The following GULP1 variants were observed in gnomAD, a reference collection of about 807,000 sequenced individuals.
GULP1 encodes GULP PTB domain containing engulfment adaptor 1.
Under a neutral mutation model 40.9 loss-of-function variants are expected in GULP1, and 19 were observed. The observed-to-expected ratio is 0.46, with a 90% CI of 0.32 to 0.68. The LOEUF (loss-of-function observed/expected upper bound fraction) is 0.68. GULP1 is among the 30% of genes least tolerant of loss of function. The probability of loss-of-function intolerance (pLI) is 0.03; values close to 1 mark genes in which losing one functional copy is unlikely to be tolerated. For missense variants in GULP1, 312 were observed against 362.2 expected (o/e 0.86, Z 1.12); for synonymous variants, 119 against 117.6 (o/e 1.01, Z -0.08).
At chr2:188,533,435 G>T (rs1688083851) in intron 6 of GULP1, among the ~76,000 whole-genome samples, 1 of 152,146 alleles carries the variant, frequency 6.6e-6, no homozygotes, top group Admixed American at 6.5e-5. Context: ...ATATGGAAGA[G>T]ATTGAAACTG....
intron 9 of GULP1, among the ~76,000 whole-genome samples, chr2:188,583,106 T>C (rs1701651842): frequency 6.6e-6 from 1 of 151,528 alleles, no homozygotes; most frequent in South Asian, 2.1e-4. Context: ...TGAGAGGGGA[T>C]ACAGGAATGG....
chr2:188,513,124 A>G (rs1250749085), intron 4 of GULP1, among the ~76,000 whole-genome samples: 1 of 152,156 alleles, frequency 6.6e-6, no homozygotes, highest in East Asian at 1.9e-4. Flanking sequence ...AATTATATCT[A>G]TAGTATCAGA....
At chr2:188,467,373 A>G (rs1330800763) in intron 2 of GULP1, among the ~76,000 whole-genome samples, 3 of 152,140 alleles carry the variant, frequency 2.0e-5, no homozygotes, top group Middle Eastern at 3.2e-3. Flanking sequence ...GAGATTTTTC[A>G]TAATCTTTTT....
At chr2:188,542,139 A>C (rs1228696375) in intron 7 of GULP1, 2 of 152,060 alleles carry the variant, frequency 1.3e-5, no homozygotes, top group Admixed American at 6.6e-5. Flanking sequence ...AAAATAATGA[A>C]AGTTAATGGA....
chr2:188,585,695 A>G (rs1304164685), intron 10 of GULP1, among the ~76,000 whole-genome samples: 1 of 152,188 alleles, frequency 6.6e-6, no homozygotes, highest in African/African-American at 2.4e-5. Flanking sequence ...ACAGAGCAGC[A>G]GGGCCCTGGG....
chr2:188,415,704 A>G (rs1052588667), intron 2 of GULP1, among the ~76,000 whole-genome samples: 1 of 152,174 alleles, frequency 6.6e-6, no homozygotes, highest in Non-Finnish European at 1.5e-5. Flanking sequence ...TTGTAAGTCC[A>G]TCTTTTTCCA....
chr2:188,436,677 G>A (rs935133047), intron 2 of GULP1, among the ~76,000 whole-genome samples: 1 of 151,904 alleles, frequency 6.6e-6, no homozygotes, highest in Non-Finnish European at 1.5e-5. Flanking sequence ...TATATTTTCA[G>A]CTATATTTCA....
intron 1 of GULP1, among the ~76,000 whole-genome samples, chr2:188,383,004 G>A (rs1166200266): frequency 1.3e-5 from 2 of 152,166 alleles, no homozygotes; most frequent in Admixed American, 1.3e-4. Flanking sequence ...TCAAAGTTAT[G>A]ACGGGAAGCA....
At chr2:188,462,277 G>T (rs986411226) in intron 2 of GULP1, among the ~76,000 whole-genome samples, 3 of 151,854 alleles carry the variant, frequency 2.0e-5, no homozygotes, top group Admixed American at 6.6e-5. Context: ...TTCCACTGTG[G>T]TCTGAAGAGA....
rs1166566295 is a variant in GULP1, at chr2:188,487,637, T to TAATAC, written c.90+4147_90+4148insTACAA. Among the ~76,000 whole-genome samples the TAATAC allele has an allele frequency of 4.6e-5, 7 of 151,804 alleles. No homozygotes were observed. In the South Asian group the frequency reaches 1.0e-3, roughly 23 times the overall value. ...CATCTTAAAATCAAATATAGAAATA[T>TAATAC]AACGCATTCCTTGCAAACCCTTTCA... On this transcript the variant is annotated intron_variant, in intron 4 of 11. Transcript: ENST00000409830.
At chr2:188,383,385 A>G (rs1264000249) in intron 1 of GULP1, among the ~76,000 whole-genome samples, 1 of 152,208 alleles carries the variant, frequency 6.6e-6, no homozygotes, top group Non-Finnish European at 1.5e-5. Flanking sequence ...CTTCTTAATC[A>G]TCATGAACAG....
intron 1 of GULP1, among the ~76,000 whole-genome samples, chr2:188,353,782 C>G (rs552461821): frequency 2.8e-4 from 43 of 151,754 alleles, no homozygotes; most frequent in African/African-American, 1.0e-3. Context: ...GCCCTGTATC[C>G]CAGAGAAACA....
At chr2:188,558,974 A>T (rs2153403638) in intron 7 of GULP1, among the ~76,000 whole-genome samples, 1 of 152,318 alleles carries the variant, frequency 6.6e-6, no homozygotes, top group Admixed American at 6.5e-5. Flanking sequence ...AAAGTTCAGA[A>T]AATGTGCAGC....
At chr2:188,434,372 T>C (rs2057205835) in intron 2 of GULP1, among the ~76,000 whole-genome samples, 1 of 151,842 alleles carries the variant, frequency 6.6e-6, no homozygotes, top group South Asian at 2.1e-4. Context: ...GAGTAGAATA[T>C]GTCTCCTTCT....
chr2:188,393,990 T>A (rs1322061700), intron 2 of GULP1, among the ~76,000 whole-genome samples: 1 of 152,164 alleles, frequency 6.6e-6, no homozygotes, highest in Non-Finnish European at 1.5e-5. Context: ...TAGCCTGATA[T>A]GTGTATGCCT....
chr2:188,301,753 A>T (rs1006449851), intron 1 of GULP1, among the ~76,000 whole-genome samples: 2 of 152,208 alleles, frequency 1.3e-5, no homozygotes, highest in Non-Finnish European at 2.9e-5. Context: ...GGAACATTGG[A>T]TGAGAAAGCA....
chr2:188,541,683 G>A, intron 7 of GULP1: 1 of 378,580 alleles, frequency 2.6e-6, no homozygotes, highest in Non-Finnish European at 4.6e-6. Context: ...GAGCAAACGT[G>A]TGTTTCCCCC....
chr2:188,512,957 T>G (rs1402649485), intron 4 of GULP1, among the ~76,000 whole-genome samples: 2 of 152,124 alleles, frequency 1.3e-5, no homozygotes, highest in Non-Finnish European at 2.9e-5. Context: ...GGTAAATATT[T>G]TGTTTACAAT....
At chr2:188,580,703 A>G (rs570580426) in intron 9 of GULP1, among the ~76,000 whole-genome samples, 1 of 152,278 alleles carries the variant, frequency 6.6e-6, no homozygotes, top group East Asian at 1.9e-4. Context: ...CTCACTTTAC[A>G]TGGCTTCCTT....
Sources: allele counts gnomAD v4.1 joint callset (sites outside exome capture counted in the v4.1 genomes callset), GRCh38; gene constraint gnomAD v4.1.1; transcripts MANE v1.5; gene names NCBI Gene and HGNC (gene_info 2026-07-23, HGNC 2026-07-21).